Variants in PPP2R2C observed in about 807,000 individuals in gnomAD.
PPP2R2C encodes protein phosphatase 2 regulatory subunit Bgamma, also known as protein phosphatase 2, regulatory subunit B, gamma.
PPP2R2C carries 10 observed loss-of-function variants against 45.3 expected under a neutral mutation model. The observed-to-expected ratio is 0.22, with a 90% CI of 0.14 to 0.37. PPP2R2C has a LOEUF of 0.37. Ranked by LOEUF, PPP2R2C falls within the 10% of genes least tolerant of loss-of-function variation. The pLI is 1.00. For synonymous variants in PPP2R2C, 257 were observed against 245.4 expected, an observed-to-expected ratio of 1.05 and a Z score of -0.44; for missense variants, 308 against 619.7, an observed-to-expected ratio of 0.50 and a Z score of 5.34.
chr4:6,472,895 T>G (rs1577209587), upstream of PPP2R2C, among the ~76,000 whole-genome samples: 1 of 148,860 alleles, frequency 6.7e-6, no homozygotes, highest in Non-Finnish European at 1.5e-5. Context: ...AGAGCCGGGG[T>G]GCTGGGAAGG....
chr4:6,377,982 C>T (rs1383417493), intron 3 of PPP2R2C, among the ~76,000 whole-genome samples: 2 of 152,190 alleles, frequency 1.3e-5, no homozygotes, highest in Admixed American at 6.5e-5. Flanking sequence ...GGTCTGGATT[C>T]GGCGTGGGGA....
chr4:6,543,680 G>A (rs1724880275), intron 1 of PPP2R2C, among the ~76,000 whole-genome samples: 1 of 152,166 alleles, frequency 6.6e-6, no homozygotes, highest in Non-Finnish European at 1.5e-5. Context: ...AAGCAGCTAG[G>A]GGCCACCCAG....
intron 1 of PPP2R2C, among the ~76,000 whole-genome samples, chr4:6,451,343 C>A (rs1720723414): frequency 1.3e-5 from 2 of 152,236 alleles, no homozygotes; most frequent in African/African-American, 4.8e-5. Flanking sequence ...CTCGGCACGG[C>A]CCACAGCTTG....
chr4:6,415,753 C>T (rs1353247653), intron 1 of PPP2R2C, among the ~76,000 whole-genome samples: 2 of 152,242 alleles, frequency 1.3e-5, no homozygotes, highest in African/African-American at 4.8e-5. Context: ...GAAGGTCATC[C>T]AGTCTAACCC....
intron 1 of PPP2R2C, among the ~76,000 whole-genome samples, chr4:6,393,091 G>A (rs567393203): frequency 3.5e-4 from 53 of 152,292 alleles, no homozygotes; most frequent in African/African-American, 1.2e-3. Flanking sequence ...ACTTTTAAAT[G>A]TACACTTGAT....
At chr4:6,430,419 G>T (rs140657714) in intron 1 of PPP2R2C, among the ~76,000 whole-genome samples, 1 of 152,320 alleles carries the variant, frequency 6.6e-6, no homozygotes, top group Non-Finnish European at 1.5e-5. Context: ...AAAGGGGACT[G>T]AGAGGTCCAA....
chr4:6,453,509 T>C (rs1720855129), intron 1 of PPP2R2C, among the ~76,000 whole-genome samples: 3 of 129,468 alleles, frequency 2.3e-5, no homozygotes, highest in African/African-American at 8.6e-5. Context: ...GGCAGACACA[T>C]GGTGAGCTCT....
chr4:6,384,109 G>A lies in PPP2R2C; in HGVS notation c.71-3015C>T. Reference sequence around the variant, plus strand: ...GTCAGAACAGGGTCAGGTCCCAGCTGTCCTGACATTGTCCCTCCGTGGGGC... The same window carrying A: ...GTCAGAACAGGGTCAGGTCCCAGCTATCCTGACATTGTCCCTCCGTGGGGC... On this transcript the variant is annotated intron_variant, in intron 1 of 8. Transcript: ENST00000382599. 4 of 985,384 alleles carry A rather than the reference G, an allele frequency of 4.1e-6. No individual in the cohort carries two copies. In the South Asian group the frequency reaches 1.4e-4, roughly 35 times the overall value. The allele number at this position is 985,384 out of a possible 1,614,324, so 61.0% of individuals were successfully genotyped here.
At position 6,324,218 on chromosome 4, in the gene PPP2R2C, G is replaced by A. The variant is rs1731759286; in HGVS notation, c.1053-625C>T. Among the ~76,000 whole-genome samples, 2 of 152,080 alleles carry A rather than the reference G, an allele frequency of 1.3e-5. No individual in the cohort carries two copies. The highest frequency in any genetic ancestry group is 4.8e-5 in the African/African-American group (2 of 41,398). On this transcript the variant is annotated intron_variant, in intron 8 of 8. Transcript: ENST00000382599. The surrounding 1 kb of genome is among the most constrained non-coding windows in gnomAD (Gnocchi z 4.1). ...AAGCCAAGGCGGGCAGATCACCTGA[G>A]GTTAGGAGTTTGAGACCAGCCTGGC...
chr4:6,386,976 G>C (rs932386185), intron 1 of PPP2R2C, among the ~76,000 whole-genome samples: 23 of 152,132 alleles, frequency 1.5e-4, no homozygotes, highest in African/African-American at 4.8e-4. Context: ...AACAGAAATT[G>C]CTTAACAGAA....
intron 1 of PPP2R2C, among the ~76,000 whole-genome samples, chr4:6,553,647 C>T (rs577385586): frequency 4.6e-5 from 7 of 152,214 alleles, no homozygotes; most frequent in African/African-American, 7.2e-5. Flanking sequence ...CTTGCCTGTG[C>T]CAGAGCACCT....
In PPP2R2C at chr4:6,332,405, T is replaced by C. The variant is rs942796931; in HGVS notation, c.960+1157A>G. On this transcript the variant is annotated intron_variant, in intron 7 of 8. Transcript: ENST00000382599. This position sits in a 1 kb window ranked among gnomAD's most constrained non-coding sequence, Gnocchi z 4.9. Reference sequence around the variant, plus strand: ...GCTGGGGCAGTCGCAAGAACTCAAGTAAACACACGTGGCTGACAAACAGGC... The same window carrying C: ...GCTGGGGCAGTCGCAAGAACTCAAGCAAACACACGTGGCTGACAAACAGGC... Among the ~76,000 whole-genome samples, 1 of 152,074 alleles carries C rather than the reference T, an allele frequency of 6.6e-6. No homozygotes were observed. Among genetic ancestry groups the C allele is most frequent in the African/African-American group, 2.4e-5 (1 of 41,410 alleles).
intron 2 of PPP2R2C, among the ~76,000 whole-genome samples, chr4:6,492,843 G>A (rs1196361338): frequency 6.6e-6 from 1 of 152,160 alleles, no homozygotes; most frequent in East Asian, 1.9e-4. Flanking sequence ...CCTTTGGCAG[G>A]AGGGAGGCCT....
chr4:6,551,372 A>C (rs1033524733), intron 1 of PPP2R2C, among the ~76,000 whole-genome samples: 2 of 152,252 alleles, frequency 1.3e-5, no homozygotes, highest in African/African-American at 4.8e-5. Context: ...CATGGAGAAC[A>C]AAGCCAATAG....
At chr4:6,431,451 A>G (rs1440318700) in intron 1 of PPP2R2C, among the ~76,000 whole-genome samples, 1 of 152,200 alleles carries the variant, frequency 6.6e-6, no homozygotes, top group African/African-American at 2.4e-5. Flanking sequence ...GGCTGAGACT[A>G]CGGTCCCCAG....
At chr4:6,373,654 G>A (rs930290499) in intron 4 of PPP2R2C, among the ~76,000 whole-genome samples, 2 of 152,230 alleles carry the variant, frequency 1.3e-5, no homozygotes, top group African/African-American at 4.8e-5. Context: ...AATGGGCTGT[G>A]TCCCTGAGCT....
At chr4:6,385,452 T>A (rs1450305474) in intron 1 of PPP2R2C, among the ~76,000 whole-genome samples, 1 of 152,234 alleles carries the variant, frequency 6.6e-6, no homozygotes, top group African/African-American at 2.4e-5. Flanking sequence ...CATCTTCTCA[T>A]CTTGGATTAT....
intron 5 of PPP2R2C, among the ~76,000 whole-genome samples, chr4:6,370,414 T>G (rs1478128803): frequency 1.3e-5 from 2 of 152,128 alleles, no homozygotes; most frequent in Admixed American, 1.3e-4. Context: ...GACCTGGAGC[T>G]CCTGCTAGGA....
chr4:6,415,093 C>G (rs1718482503), intron 1 of PPP2R2C, among the ~76,000 whole-genome samples: 1 of 152,254 alleles, frequency 6.6e-6, no homozygotes, highest in African/African-American at 2.4e-5. Context: ...AGGCCCCGTC[C>G]TCCCACAGAG....
Sources: allele counts gnomAD v4.1 joint callset (sites outside exome capture counted in the v4.1 genomes callset), GRCh38; gene constraint gnomAD v4.1.1; non-coding constraint Gnocchi (gnomAD v3.1); transcripts MANE v1.5; gene names NCBI Gene and HGNC (gene_info 2026-07-23, HGNC 2026-07-21).